Variants in GSTO2 observed in about 807,000 individuals in gnomAD.
The protein encoded by GSTO2 is glutathione S-transferase omega 2.
GSTO2 carries 23 observed loss-of-function variants against 28.4 expected under a neutral mutation model. That is an observed-to-expected ratio of 0.81 (90% confidence interval 0.58 to 1.15). GSTO2 has a LOEUF of 1.15. Ranked by LOEUF, GSTO2 falls within the 50% of genes most tolerant of loss-of-function variation. The probability of loss-of-function intolerance (pLI) is 0.00; values close to 1 mark genes in which losing one functional copy is unlikely to be tolerated. For synonymous variants in GSTO2, 109 were observed against 111.0 expected, an observed-to-expected ratio of 0.98 and a Z score of 0.11; for missense variants, 298 against 297.8, an observed-to-expected ratio of 1.00 and a Z score of 0.00.
At chr10:104,283,350 G>T (rs1169542103) in intron 5 of GSTO2, among the ~76,000 whole-genome samples, 4 of 152,234 alleles carry the variant, frequency 2.6e-5, no homozygotes, top group Non-Finnish European at 5.9e-5. Flanking sequence ...CTATGGCTGG[G>T]CGTGGTGGCT....
chr10:104,269,796 C>T (rs1361721706), intron 1 of GSTO2, among the ~76,000 whole-genome samples: 3 of 152,198 alleles, frequency 2.0e-5, no homozygotes, highest in Non-Finnish European at 1.5e-5. Flanking sequence ...TGAATGAAAC[C>T]TTCGCAAACC....
intron 1 of GSTO2, among the ~76,000 whole-genome samples, chr10:104,272,587 C>CGTTTTTTTT (rs2011459201): frequency 2.0e-5 from 1 of 49,282 alleles, no homozygotes; most frequent in Non-Finnish European, 3.8e-5. Flanking sequence ...AGTTATGGGA[C>CGTTTTTTTT]TTTTTTTTTT....
rs185163259 is a variant in GSTO2 at position 104,271,410 on chromosome 10, C to T, written c.-232+2141C>T. Among the ~76,000 whole-genome samples the T allele has an allele frequency of 2.0e-3, 305 of 152,330 alleles. 3 individuals are homozygous for T. Among genetic ancestry groups the T allele is most frequent in the Admixed American group, 4.6e-4 (7 of 15,300 alleles). On this transcript the variant is annotated intron_variant, in intron 1 of 6. Coordinates refer to ENST00000338595, the MANE Select transcript of GSTO2 (RefSeq NM_183239.2). ...CACTAGCGTTTGTCATTAACTTTGA[C>T]GTATACTGAGCTCTTACTATACTGA... is the stretch of plus-strand genomic sequence containing the variant.
chr10:104,281,963 C>T (rs7073890), intron 5 of GSTO2, among the ~76,000 whole-genome samples: 4,391 of 151,858 alleles, frequency 0.029, 213 homozygotes, highest in African/African-American at 0.099. Context: ...GGGTTGACAG[C>T]GAGGGAGTGA....
In GSTO2 at chr10:104,274,794, A is replaced by T; in HGVS notation, c.-122A>T. On this transcript the variant is annotated 5_prime_UTR_variant, in exon 2 of 7. Coordinates refer to ENST00000338595, the MANE Select transcript of GSTO2 (RefSeq NM_183239.2). ...CCCCGCCAGAGCCCAGTAGTTCAAAAATTAAATTTGGGGCAAGGGGTGCGC... is the reference window on the plus strand; with the variant it reads ...CCCCGCCAGAGCCCAGTAGTTCAAATATTAAATTTGGGGCAAGGGGTGCGC... 1 of 1,266,510 alleles carries T rather than the reference A, an allele frequency of 7.9e-7. No homozygotes were observed. Among genetic ancestry groups the T allele is most frequent in the Non-Finnish European group, 1.1e-6 (1 of 893,934 alleles). 78.5% of individuals were successfully genotyped at this position (1,266,510 alleles called of 1,614,324 possible). A position where few individuals can be genotyped will look rare whatever the true frequency, so the allele number is the denominator to read the frequency against.
At chr10:104,297,542 T>C in intron 5 of GSTO2, 36 bp from the exon 6 acceptor site, 1 of 1,361,064 alleles carries the variant, frequency 7.3e-7, no homozygotes, top group Non-Finnish European at 1.0e-6. Flanking sequence ...AGCAGATATA[T>C]AAACTTATTT....
intron 5 of GSTO2, among the ~76,000 whole-genome samples, chr10:104,281,867 G>A (rs2012067118): frequency 6.6e-6 from 1 of 152,154 alleles, no homozygotes; most frequent in Non-Finnish European, 1.5e-5. Flanking sequence ...GTCTGTGGGG[G>A]TAGATAATGC....
chr10:104,301,084 G>C lies in GSTO2; in HGVS notation c.*1800G>C, dbSNP rs2013243264. ...CTAGTTAATGCTGAGTGAGGTCTGT[G>C]AATCACCGTTTTCCTGGGATCTTTG... is the stretch of plus-strand genomic sequence containing the variant. On this transcript the variant is annotated 3_prime_UTR_variant, in exon 7 of 7. Coordinates refer to ENST00000338595, the MANE Select transcript of GSTO2 (RefSeq NM_183239.2). 6.6e-6 allele frequency: 1 copy of C among 152,248 alleles called. No individual in the cohort carries two copies. The allele number at this position is 152,248 out of a possible 1,614,324, so 9.4% of individuals were successfully genotyped here.
chr10:104,292,324 A>C (rs1173252726), intron 5 of GSTO2, among the ~76,000 whole-genome samples: 1 of 150,860 alleles, frequency 6.6e-6, no homozygotes, highest in Admixed American at 6.6e-5. Flanking sequence ...ACACCCAGCT[A>C]ACTTTTTTTA....
chr10:104,277,299 T>A (rs919948307), intron 3 of GSTO2, among the ~76,000 whole-genome samples: 1 of 152,116 alleles, frequency 6.6e-6, no homozygotes, highest in Non-Finnish European at 1.5e-5. Context: ...TACTACTTTT[T>A]TTTTTTTTTA....
chr10:104,289,076 A>G (rs1038130273), intron 5 of GSTO2, among the ~76,000 whole-genome samples: 1 of 152,048 alleles, frequency 6.6e-6, no homozygotes, highest in African/African-American at 2.4e-5. Flanking sequence ...ACTATCTTAC[A>G]AATATATTGT....
intron 4 of GSTO2, 38 bp from the exon 5 acceptor site, chr10:104,279,332 A>C (rs12783850): frequency 0.028 from 44,081 of 1,552,248 alleles, 857 homozygotes; most frequent in South Asian, 0.071. Context: ...GGAAGTTTCC[A>C]CAGACTTCTC....
At chr10:104,292,191 T>C (rs1003207020) in intron 5 of GSTO2, among the ~76,000 whole-genome samples, 5 of 151,328 alleles carry the variant, frequency 3.3e-5, no homozygotes, top group African/African-American at 1.2e-4. Flanking sequence ...ACATTAAGAA[T>C]GGCCAATATC....
In GSTO2 at chr10:104,274,844, C is replaced by A; in HGVS notation, c.-72C>A. 6.4e-7 allele frequency: 1 copy of A among 1,554,234 alleles called. No individual in the cohort carries two copies. The highest frequency in any genetic ancestry group is 8.8e-7 in the Non-Finnish European group (1 of 1,142,274). On this transcript the variant is annotated 5_prime_UTR_variant, in exon 2 of 7. Coordinates refer to ENST00000338595, the MANE Select transcript of GSTO2 (RefSeq NM_183239.2). ...CGCCAGAGCGCAGCTGTTTCTGGAG[C>A]CTGCGGCAGCGGTGGCGAGCCACAG... is the stretch of plus-strand genomic sequence containing the variant.
At chr10:104,280,774 A>AT (rs146758132) in intron 5 of GSTO2, among the ~76,000 whole-genome samples, 1 of 152,184 alleles carries the variant, frequency 6.6e-6, no homozygotes, top group East Asian at 1.9e-4. Flanking sequence ...AGAGAATACA[A>AT]TTTTTTTCCC....
intron 3 of GSTO2, among the ~76,000 whole-genome samples, chr10:104,277,613 T>A (rs185023098): frequency 1.2e-3 from 177 of 152,194 alleles, no homozygotes; most frequent in African/African-American, 4.2e-3. Context: ...GTGGGTGGTA[T>A]TGGGTGTGAG....
At position 104,301,091 on chromosome 10, in the gene GSTO2, C is replaced by T. The variant is rs1353686664; in HGVS notation, c.*1807C>T. On this transcript the variant is annotated 3_prime_UTR_variant, in exon 7 of 7. Transcript: ENST00000338595. ...ATGCTGAGTGAGGTCTGTGAATCACCGTTTTCCTGGGATCTTTGCTCCAAG... is the reference window on the plus strand; with the variant it reads ...ATGCTGAGTGAGGTCTGTGAATCACTGTTTTCCTGGGATCTTTGCTCCAAG... The T allele has an allele frequency of 2.6e-5, 4 of 152,368 alleles. 1 individual carries two copies. The South Asian group carries it at 6.2e-4, about 24-fold the overall frequency. The allele number at this position is 152,368 out of a possible 1,614,324, so 9.4% of individuals were successfully genotyped here.
At chr10:104,270,830 A>G (rs2011366693) in intron 1 of GSTO2, among the ~76,000 whole-genome samples, 1 of 152,268 alleles carries the variant, frequency 6.6e-6, no homozygotes, top group African/African-American at 2.4e-5. Context: ...TGCAAACCAC[A>G]GTTCCTCTTC....
chr10:104,278,137 C>T (rs1269144899), intron 4 of GSTO2, 21 bp downstream of exon 4: 2 of 1,561,146 alleles, frequency 1.3e-6, no homozygotes, highest in Admixed American at 1.7e-5. Context: ...TTTAAAAAGT[C>T]ACTCACACTG....
Sources: gnomAD v4.1 joint callset for allele counts (sites outside exome capture counted in the v4.1 genomes callset) on GRCh38, gnomAD v4.1.1 for gene constraint, MANE v1.5 for transcripts, NCBI Gene and HGNC (gene_info 2026-07-23, HGNC 2026-07-21) for gene names.